ADAMTS17: variants seen among roughly 807,000 people sequenced by gnomAD.
ADAMTS17 encodes the protein ADAM metallopeptidase with thrombospondin type 1 motif 17, also known as A disintegrin and metalloproteinase with thrombospondin motifs 17.
A neutral mutation model predicts 141.5 loss-of-function variants in ADAMTS17; 113 were observed. That is an observed-to-expected ratio of 0.80 (90% CI 0.69 to 0.93). The LOEUF is 0.93. Among genes scored for constraint, ADAMTS17 ranks in the 40% least tolerant of loss-of-function variants. The probability of loss-of-function intolerance (pLI) is 0.00; values close to 1 mark genes in which losing one functional copy is unlikely to be tolerated. For missense variants in ADAMTS17, 1,659 were observed against 1,517.9 expected, an observed-to-expected ratio of 1.09 and a Z score of -1.54; for synonymous variants, 768 against 630.6, an observed-to-expected ratio of 1.22 and a Z score of -3.27.
intron 14 of ADAMTS17, among the ~76,000 whole-genome samples, 179 bp downstream of exon 14, chr15:100,108,810 T>G (rs917438612): frequency 2.0e-5 from 3 of 152,220 alleles, no homozygotes; most frequent in Non-Finnish European, 2.9e-5. Context: ...CAGTCATTAC[T>G]GAGCTAGGGT....
intron 15 of ADAMTS17, among the ~76,000 whole-genome samples, chr15:100,067,720 T>C (rs369976469): frequency 1.3e-5 from 2 of 152,314 alleles, no homozygotes; most frequent in African/African-American, 4.8e-5. Context: ...GTTTCCTACC[T>C]TTTATCTTTT....
At position 100,187,702 on chromosome 15, in the gene ADAMTS17, C is replaced by G. The variant is rs199628782; in HGVS notation, c.1181+11616G>C. On this transcript the variant is annotated intron_variant, in intron 8 of 21. Transcript: ENST00000268070. ...ACCCCAACAGGCTGACCTGCCAACT[C>G]CCTATTTCACCAAAAGGGCAGCCAC... Among the ~76,000 whole-genome samples the G allele has an allele frequency of 1.1e-4, 17 of 152,314 alleles. No homozygotes were observed. In the East Asian group the frequency reaches 3.1e-3, roughly 28 times the overall value.
At chr15:100,186,287 T>TC (rs1441847759) in intron 8 of ADAMTS17, among the ~76,000 whole-genome samples, 5 of 152,180 alleles carry the variant, frequency 3.3e-5, no homozygotes, top group Admixed American at 6.5e-5. Flanking sequence ...TGCATGGACT[T>TC]CAACATTGAC....
At position 99,997,273 on chromosome 15, in the gene ADAMTS17, C is replaced by T. The variant is rs1158280366; in HGVS notation, c.2796+112G>A. 2 of 1,236,620 alleles carry T rather than the reference C, an allele frequency of 1.6e-6. No homozygotes were observed. The highest frequency in any genetic ancestry group is 2.4e-6 in the Non-Finnish European group (2 of 848,652). The allele number at this position is 1,236,620 out of a possible 1,614,324, so 76.6% of individuals were successfully genotyped here. A position where few individuals can be genotyped will look rare whatever the true frequency, so the allele number is the denominator to read the frequency against. On this transcript the variant is annotated intron_variant, in intron 19 of 21. Transcript: ENST00000268070. The surrounding 1 kb of genome is among the most constrained non-coding windows in gnomAD (Gnocchi z 4.7). ...GAACACATGAGCTATAACACAACTT[C>T]AAGCTGACCTGGGGGCGAGCGAGGG...
intron 2 of ADAMTS17, among the ~76,000 whole-genome samples, chr15:100,331,291 T>A (rs575665394): frequency 6.6e-6 from 1 of 152,300 alleles, no homozygotes; most frequent in East Asian, 1.9e-4. Flanking sequence ...TACAACAGCA[T>A]CCATTTTCCA....
At chr15:100,281,450 A>G (rs1596441298) in intron 3 of ADAMTS17, 49 bp from the exon 4 acceptor site, 1 of 1,579,960 alleles carries the variant, frequency 6.3e-7, no homozygotes, top group South Asian at 1.1e-5. Context: ...ACTGACTTCC[A>G]AAACCATGCA....
intron 9 of ADAMTS17, 140 bp from the exon 10 acceptor site, chr15:100,152,902 G>C: frequency 1.4e-6 from 1 of 710,178 alleles, no homozygotes; most frequent in South Asian, 2.6e-5. Flanking sequence ...CGCAGGCACT[G>C]GACACACAGA....
intron 14 of ADAMTS17, among the ~76,000 whole-genome samples, chr15:100,100,065 C>G (rs933336272): frequency 3.3e-5 from 5 of 152,216 alleles, no homozygotes; most frequent in African/African-American, 1.2e-4. Context: ...AACGCCCACC[C>G]TGTCTCTGTT....
Position 99,976,138 on chromosome 15 carries a change from G to A in ADAMTS17, c.3034C>T (p.Pro1012Ser). The change falls in exon 21 of 22, where the codon CCC (proline) becomes TCC (serine). Residue 1012 changes from proline to serine, a missense_variant. Transcript: ENST00000268070. The stretch of plus-strand genomic sequence containing the variant: ...TAGGGGGCAGGCTTCGAGAGGGCGG[G>A]GCACTCGCTGCCGTGGCGCCCTGTG... The part of the protein sequence containing the change: ...KVTGRHGSEC[P>S]ALSKPAPYRQ... The A allele has an allele frequency of 1.3e-6, 2 of 1,551,036 alleles. No individual in the cohort carries two copies. Among genetic ancestry groups the A allele is most frequent in the East Asian group, 2.4e-5 (1 of 40,924 alleles).
intron 15 of ADAMTS17, among the ~76,000 whole-genome samples, chr15:100,092,450 G>A (rs1182662886): frequency 6.6e-6 from 1 of 152,210 alleles, no homozygotes; most frequent in Admixed American, 6.5e-5. Context: ...CTTGGGAACA[G>A]CCTCTGCCAT....
At chr15:100,215,946 T>TG (rs2041955843) in intron 7 of ADAMTS17, among the ~76,000 whole-genome samples, 1 of 152,182 alleles carries the variant, frequency 6.6e-6, no homozygotes, top group Admixed American at 6.5e-5. Context: ...CGGGAGTCCC[T>TG]GTTCCTAACA....
intron 15 of ADAMTS17, among the ~76,000 whole-genome samples, chr15:100,086,491 CA>C (rs2035109946): frequency 6.6e-6 from 1 of 152,104 alleles, no homozygotes; most frequent in South Asian, 2.1e-4. Context: ...CTGCACCAAG[CA>C]GACCTAATAG....
intron 14 of ADAMTS17, among the ~76,000 whole-genome samples, chr15:100,103,131 G>A (rs1213256875): frequency 2.0e-5 from 3 of 152,146 alleles, no homozygotes; most frequent in East Asian, 1.9e-4. Context: ...CATGTGGCTT[G>A]GTCTGCTGGC....
intron 7 of ADAMTS17, among the ~76,000 whole-genome samples, chr15:100,234,258 A>G (rs987601654): frequency 2.0e-5 from 3 of 152,336 alleles, no homozygotes; most frequent in East Asian, 1.9e-4. Context: ...GTCGACTACT[A>G]GAAAGAGCTA....
chr15:100,236,360 A>ACACCAGCAC (rs2141873630), intron 7 of ADAMTS17, among the ~76,000 whole-genome samples: 1 of 150,078 alleles, frequency 6.7e-6, no homozygotes, highest in South Asian at 2.1e-4. Context: ...TGTGGTCCCC[A>ACACCAGCAC]CACCAGCACC....
chr15:100,074,207 T>C (rs10468185), intron 15 of ADAMTS17: 6,285 of 152,866 alleles, frequency 0.041, 449 homozygotes, highest in African/African-American at 0.14. Flanking sequence ...CTTTTCTAAA[T>C]GCATTGGTGA....
At position 99,974,227 on chromosome 15, in the gene ADAMTS17, TAAC is replaced by T. The variant is rs137961566; in HGVS notation, c.*172_*174del. 5.5e-3 allele frequency: 4,141 copies of T among 751,914 alleles called. 112 individuals carry two copies. In the African/African-American group the frequency reaches 0.062, roughly 11 times the overall value. 46.6% of individuals were successfully genotyped at this position (751,914 alleles called of 1,614,324 possible). A position where few individuals can be genotyped will look rare whatever the true frequency, so the allele number is the denominator to read the frequency against. ...CTGTAGAAAGCCAGCCAGTGGCTGT[TAAC>T]AATATATTAAGTACGGAAGCACTAA... is the stretch of plus-strand genomic sequence containing the variant. On this transcript the variant is annotated 3_prime_UTR_variant, in exon 22 of 22. Transcript: ENST00000268070.
chr15:100,075,159 C>G (rs1328649606), intron 15 of ADAMTS17, among the ~76,000 whole-genome samples: 1 of 152,152 alleles, frequency 6.6e-6, no homozygotes, highest in African/African-American at 2.4e-5. Flanking sequence ...ATGGTGCATC[C>G]TACTTTCTCA....
At chr15:100,320,911 C>T (rs1017856329) in intron 3 of ADAMTS17, among the ~76,000 whole-genome samples, 9 of 152,032 alleles carry the variant, frequency 5.9e-5, no homozygotes, top group African/African-American at 2.2e-4. Flanking sequence ...ATTTGCAAAC[C>T]CTCATTTAAA....
Sources: gnomAD v4.1 joint callset for allele counts (sites outside exome capture counted in the v4.1 genomes callset) on GRCh38, gnomAD v4.1.1 for gene constraint, Gnocchi (gnomAD v3.1) non-coding constraint, MANE v1.5 for transcripts, NCBI Gene and HGNC (gene_info 2026-07-23, HGNC 2026-07-21) for gene names.